SHCBP1L: variants seen among roughly 807,000 people sequenced by gnomAD.
SHCBP1L encodes the protein SHC binding and spindle associated 1 like.
In SHCBP1L, 67 loss-of-function variants were observed where a neutral mutation model predicts 62.5. That is an observed-to-expected ratio of 1.07 (90% CI 0.88 to 1.31). The LOEUF (loss-of-function observed/expected upper bound fraction) is 1.31, where lower values mean the gene tolerates loss of function less well. Ranked by LOEUF, SHCBP1L falls within the 40% of genes most tolerant of loss-of-function variation. SHCBP1L has a pLI of 0.00. For missense variants in SHCBP1L, 823 were observed against 809.8 expected (o/e 1.02, Z -0.20); for synonymous variants, 284 against 289.4 (o/e 0.98, Z 0.19).
chr1:182,900,234 C>T lies in SHCBP1L; in HGVS notation c.1711G>A (p.Val571Ile). ...KSTLGGVNMKVLPAPKLKMTN... is the reference protein window; with the variant it reads ...KSTLGGVNMKILPAPKLKMTN... ...ATCTTCAATTTGGGTGCTGGAAGAA[C>T]CTATTAAATTATTTGAGGAAATTAG... Residue 571 changes from valine to isoleucine, a missense_variant and splice_region_variant, in exon 10 of 10, where the codon GTT becomes ATT. Val to Ile is a conservative substitution (Grantham distance 29). Coordinates refer to ENST00000367547, the MANE Select transcript of SHCBP1L (RefSeq NM_030933.4). The T allele has an allele frequency of 2.0e-6, 3 of 1,533,962 alleles. No homozygotes were observed. The highest frequency in any genetic ancestry group is 2.3e-5 in the East Asian group (1 of 43,102).
intron 9 of SHCBP1L, 66 bp downstream of exon 9, chr1:182,902,973 A>G (rs1167702505): frequency 1.6e-6 from 2 of 1,249,640 alleles, no homozygotes; most frequent in African/African-American, 1.5e-5. Flanking sequence ...ACTAAAACTA[A>G]TATTTTAGTA....
intron 2 of SHCBP1L, among the ~76,000 whole-genome samples, chr1:182,945,460 G>A (rs1651532747): frequency 6.6e-6 from 1 of 152,170 alleles, no homozygotes; most frequent in African/African-American, 2.4e-5. Flanking sequence ...TATGTACATA[G>A]CTGTTATCAC....
At chr1:182,903,182 A>G in intron 8 of SHCBP1L, 21 bp from the exon 9 acceptor site, 3 of 1,506,546 alleles carry the variant, frequency 2.0e-6, no homozygotes, top group Non-Finnish European at 2.7e-6. Context: ...AAAGCAAATA[A>G]AACTATCTAC....
chr1:182,914,174 G>GA (rs1482755135), intron 6 of SHCBP1L, among the ~76,000 whole-genome samples: 15 of 151,860 alleles, frequency 9.9e-5, no homozygotes, highest in Non-Finnish European at 1.5e-4. Flanking sequence ...TCTATATCTA[G>GA]AAAAAATACC....
rs917588761 is a variant in SHCBP1L at position 182,904,174 on chromosome 1, A to G, written c.1587+6T>C. 1 of 1,613,308 alleles carries G rather than the reference A, an allele frequency of 6.2e-7. No homozygotes were observed. Among genetic ancestry groups the G allele is most frequent in the Non-Finnish European group, 8.5e-7 (1 of 1,179,698 alleles). ...ATAAGGCCATACTTTTTAAAGAATG[A>G]AATACCTGGGCGCCAGTTATTTCAC... On this transcript the variant is annotated splice_donor_region_variant and intron_variant, in intron 8 of 9. Transcript: ENST00000367547.
intron 6 of SHCBP1L, among the ~76,000 whole-genome samples, chr1:182,926,355 C>A (rs1240672444): frequency 6.6e-6 from 1 of 152,118 alleles, no homozygotes; most frequent in African/African-American, 2.4e-5. Flanking sequence ...TGGTTATCAC[C>A]TTCTGTAGCA....
rs181925885 is a variant in SHCBP1L, at chr1:182,942,210, C to A, written c.556-1667G>T. 131 of 1,334,806 alleles carry A rather than the reference C, an allele frequency of 9.8e-5. 2 individuals carry two copies. The African/African-American group carries it at 1.6e-3, about 16-fold the overall frequency. The allele number at this position is 1,334,806 out of a possible 1,614,324, so 82.7% of individuals were successfully genotyped here. ...AAATCTTTAGTTTCTTGGTTAGCCA[C>A]TTCGGCCTGTTTTCCCTTTGCTCCC... On this transcript the variant is annotated intron_variant, in intron 2 of 9. Coordinates refer to ENST00000367547, the MANE Select transcript of SHCBP1L (RefSeq NM_030933.4).
At chr1:182,927,010 C>T (rs1650774720) in intron 6 of SHCBP1L, among the ~76,000 whole-genome samples, 1 of 133,646 alleles carries the variant, frequency 7.5e-6, no homozygotes, top group Admixed American at 7.7e-5. Flanking sequence ...AACCAAGAAT[C>T]CAGGCAATTT....
chr1:182,939,055 TA>T, intron 5 of SHCBP1L, 120 bp downstream of exon 5: 1 of 724,066 alleles, frequency 1.4e-6, no homozygotes, highest in Non-Finnish European at 2.2e-6. Context: ...GCTTACCTCA[TA>T]AATTAGACAT....
intron 6 of SHCBP1L, 111 bp downstream of exon 6, chr1:182,929,536 T>G: frequency 1.4e-5 from 8 of 575,948 alleles, no homozygotes; most frequent in Non-Finnish European, 2.3e-5. Flanking sequence ...TGGAGGTAGT[T>G]GAGAAAATAA....
intron 2 of SHCBP1L, among the ~76,000 whole-genome samples, chr1:182,949,252 A>G (rs1271889518): frequency 1.3e-5 from 2 of 150,544 alleles, no homozygotes; most frequent in Non-Finnish European, 2.9e-5. Context: ...ATAAAACCTG[A>G]TTGAAAAAAA....
Position 182,904,371 on chromosome 1 carries a change from C to T in SHCBP1L, c.1396G>A (p.Val466Met). The T allele has an allele frequency of 3.1e-6, 5 of 1,614,124 alleles. No homozygotes were observed. Among genetic ancestry groups the T allele is most frequent in the Non-Finnish European group, 4.2e-6 (5 of 1,180,014 alleles). The change falls in exon 8 of 10, where the codon GTG (valine) becomes ATG (methionine). Residue 466 changes from valine (V) to methionine (M), a missense_variant. Transcript: ENST00000367547. ...TSEPSRDSFV[V>M]SKADNVKLMH... Reference sequence around the variant, plus strand: ...AGTTTCACATTGTCAGCTTTGGACACCACAAAACTGTCACGAGAAGGTTCA... The same window carrying T: ...AGTTTCACATTGTCAGCTTTGGACATCACAAAACTGTCACGAGAAGGTTCA...
At chr1:182,951,903 C>A in intron 1 of SHCBP1L, 1 of 357,746 alleles carries the variant, frequency 2.8e-6, no homozygotes, top group South Asian at 2.0e-5. Context: ...GCCTGTAATC[C>A]CAACACTTTG....
At chr1:182,942,433 C>T in intron 2 of SHCBP1L, 2 of 691,472 alleles carry the variant, frequency 2.9e-6, no homozygotes, top group South Asian at 1.5e-5. Context: ...GTGCCGGGTG[C>T]CTGCGGGCCG....
intron 6 of SHCBP1L, 32 bp from the exon 7 acceptor site, chr1:182,905,681 T>C: frequency 6.3e-7 from 1 of 1,597,642 alleles, no homozygotes; most frequent in South Asian, 1.1e-5. Context: ...GCGCTTTCAA[T>C]AATAGGTTAA....
At chr1:182,904,091 G>T (rs893216256) in intron 8 of SHCBP1L, 89 bp downstream of exon 8, 31 of 1,466,948 alleles carry the variant, frequency 2.1e-5, no homozygotes, top group Admixed American at 2.2e-5. Flanking sequence ...AAAAGATGAA[G>T]AAATTGCTAC....
chr1:182,930,950 T>TTA (rs1650980060), intron 5 of SHCBP1L, among the ~76,000 whole-genome samples: 2 of 147,076 alleles, frequency 1.4e-5, no homozygotes, highest in Non-Finnish European at 3.0e-5. Context: ...GGTCTTGAAC[T>TTA]CCTGGCCTCA....
At chr1:182,944,957 CT>C (rs11309339) in intron 2 of SHCBP1L, among the ~76,000 whole-genome samples, 11,952 of 109,082 alleles carry the variant, frequency 0.11, 286 homozygotes, top group African/African-American at 0.2. Context: ...TTCTTTCTTT[CT>C]TTTTTTTTTT....
At chr1:182,927,671 C>CA (rs1049517840) in intron 6 of SHCBP1L, among the ~76,000 whole-genome samples, 23,348 of 71,950 alleles carry the variant, frequency 0.32, 3,489 homozygotes, top group African/African-American at 0.42. Flanking sequence ...GACTCCGTCT[C>CA]AAAAAAAAAA....
Sources: gnomAD v4.1 joint callset for allele counts (sites outside exome capture counted in the v4.1 genomes callset) on GRCh38, gnomAD v4.1.1 for gene constraint, MANE v1.5 for transcripts, NCBI Gene and HGNC (gene_info 2026-07-23, HGNC 2026-07-21) for gene names.